The following CDH13 variants were observed in gnomAD, a reference collection of about 807,000 sequenced individuals.
CDH13 encodes cadherin 13.
A neutral mutation model predicts 63.8 loss-of-function variants in CDH13; 24 were observed. That is an observed-to-expected ratio of 0.38 (90% CI 0.27 to 0.53). The LOEUF is 0.53. Among genes scored for constraint, CDH13 ranks in the 20% least tolerant of loss-of-function variants. The probability of loss-of-function intolerance (pLI) is 0.85; values close to 1 mark genes in which losing one functional copy is unlikely to be tolerated. For missense variants in CDH13, 1,049 were observed against 903.1 expected, an observed-to-expected ratio of 1.16 and a Z score of -2.07; for synonymous variants, 503 against 355.3, an observed-to-expected ratio of 1.42 and a Z score of -4.67.
intron 3 of CDH13, among the ~76,000 whole-genome samples, chr16:83,114,012 T>C (rs1326805659): frequency 6.6e-6 from 1 of 152,120 alleles, no homozygotes; most frequent in Non-Finnish European, 1.5e-5. Context: ...AGAGAGAACA[T>C]CTGGAGTTAA....
intron 8 of CDH13, among the ~76,000 whole-genome samples, chr16:83,651,678 C>G (rs949144201): frequency 2.0e-5 from 3 of 148,782 alleles, no homozygotes; most frequent in Admixed American, 1.4e-4. Context: ...TCACTACAAC[C>G]TCTGCCTCCC....
intron 7 of CDH13, among the ~76,000 whole-genome samples, chr16:83,521,653 TA>T (rs1198502454): frequency 6.6e-6 from 1 of 152,216 alleles, no homozygotes; most frequent in Non-Finnish European, 1.5e-5. Context: ...GAAATCAATC[TA>T]AATTGTATAT....
chr16:83,667,924 A>C (rs1914146058), intron 8 of CDH13, among the ~76,000 whole-genome samples: 1 of 151,994 alleles, frequency 6.6e-6, no homozygotes, highest in Non-Finnish European at 1.5e-5. Flanking sequence ...CAGCCTCCCA[A>C]AGAGCTAGGA....
intron 2 of CDH13, among the ~76,000 whole-genome samples, chr16:82,873,623 A>G (rs980661093): frequency 2.0e-5 from 3 of 152,236 alleles, no homozygotes; most frequent in African/African-American, 7.2e-5. Context: ...TGGAGATAGT[A>G]TTTCAAGGAT....
At chr16:82,706,092 C>G (rs1278181237) in intron 1 of CDH13, among the ~76,000 whole-genome samples, 2 of 151,978 alleles carry the variant, frequency 1.3e-5, no homozygotes, top group Non-Finnish European at 2.9e-5. Flanking sequence ...TCTTCTTCAT[C>G]TTCCTGTCTT....
chr16:83,747,191 G>A (rs254344), intron 10 of CDH13, among the ~76,000 whole-genome samples: 123,721 of 152,130 alleles, frequency 0.81, 51,820 homozygotes, highest in South Asian at 0.94. Flanking sequence ...ATCCTAATGA[G>A]TGTTTCTGTT....
At chr16:83,278,775 T>G (rs1259791112) in intron 5 of CDH13, among the ~76,000 whole-genome samples, 1 of 152,196 alleles carries the variant, frequency 6.6e-6, no homozygotes, top group Non-Finnish European at 1.5e-5. Context: ...AGCATCTGAT[T>G]CGCATTCTGT....
chr16:82,697,817 C>G (rs879743075), intron 1 of CDH13, among the ~76,000 whole-genome samples: 2 of 151,016 alleles, frequency 1.3e-5, no homozygotes, highest in Non-Finnish European at 2.9e-5. Flanking sequence ...AAAACATAGC[C>G]AAATGGTTTT....
chr16:83,110,987 T>G (rs1387597702), intron 3 of CDH13, among the ~76,000 whole-genome samples: 1 of 121,940 alleles, frequency 8.2e-6, no homozygotes, highest in Non-Finnish European at 1.6e-5. Context: ...CCTAAATGTA[T>G]GTATTAGGTT....
chr16:83,521,139 G>A (rs1409005181), intron 7 of CDH13, among the ~76,000 whole-genome samples: 1 of 152,132 alleles, frequency 6.6e-6, no homozygotes, highest in Non-Finnish European at 1.5e-5. Context: ...CACAGTAAAT[G>A]GAAAACCAGC....
At chr16:82,922,409 A>G (rs2042183329) in intron 2 of CDH13, among the ~76,000 whole-genome samples, 2 of 152,238 alleles carry the variant, frequency 1.3e-5, no homozygotes, top group African/African-American at 2.4e-5. Flanking sequence ...TTCACATGCC[A>G]GGGAGTAGAA....
At chr16:83,089,331 T>C (rs934435097) in intron 3 of CDH13, among the ~76,000 whole-genome samples, 3 of 152,248 alleles carry the variant, frequency 2.0e-5, no homozygotes, top group African/African-American at 7.2e-5. Flanking sequence ...GTATAATTGA[T>C]GTCATGGCCA....
At chr16:82,721,363 A>T (rs546757049) in intron 1 of CDH13, among the ~76,000 whole-genome samples, 1 of 152,296 alleles carries the variant, frequency 6.6e-6, no homozygotes, top group South Asian at 2.1e-4. Flanking sequence ...GGGCCCAAAG[A>T]AACCAGTTGG....
intron 11 of CDH13, among the ~76,000 whole-genome samples, chr16:83,762,152 G>A (rs1410506678): frequency 6.6e-6 from 1 of 152,164 alleles, no homozygotes; most frequent in Non-Finnish European, 1.5e-5. Flanking sequence ...CTTTTGTTTT[G>A]CTACATCAAA....
intron 6 of CDH13, among the ~76,000 whole-genome samples, chr16:83,392,783 C>G (rs934003789): frequency 2.0e-5 from 3 of 151,914 alleles, no homozygotes; most frequent in Non-Finnish European, 4.4e-5. Context: ...CTAAATTATG[C>G]GGTGCCATCT....
chr16:83,669,688 G>C (rs1295766393), intron 8 of CDH13, among the ~76,000 whole-genome samples: 1 of 152,204 alleles, frequency 6.6e-6, no homozygotes, highest in African/African-American at 2.4e-5. Flanking sequence ...TATGATTAAT[G>C]ATTTCCAAGT....
intron 4 of CDH13, among the ~76,000 whole-genome samples, chr16:83,143,782 C>T (rs751777298): frequency 6.6e-6 from 1 of 152,050 alleles, no homozygotes; most frequent in East Asian, 1.9e-4. Context: ...TCTCCTCCTT[C>T]GTTTCCAGGC....
intron 2 of CDH13, among the ~76,000 whole-genome samples, chr16:83,010,411 T>G (rs1018721237): frequency 1.3e-5 from 2 of 152,106 alleles, no homozygotes; most frequent in East Asian, 1.9e-4. Context: ...GAAATGGAAA[T>G]GTAGGGTTTT....
At chr16:83,315,711 C>G (rs986145648) in intron 5 of CDH13, among the ~76,000 whole-genome samples, 3 of 150,582 alleles carry the variant, frequency 2.0e-5, no homozygotes, top group Non-Finnish European at 2.9e-5. Flanking sequence ...GGAGTTATTT[C>G]TAGTCATCGG....
Sources: allele counts gnomAD v4.1 joint callset (sites outside exome capture counted in the v4.1 genomes callset), GRCh38; gene constraint gnomAD v4.1.1; transcripts MANE v1.5; gene names NCBI Gene and HGNC (gene_info 2026-07-23, HGNC 2026-07-21).